CNTNAP2: variants seen among roughly 807,000 people sequenced by gnomAD.
CNTNAP2 encodes the protein contactin-associated protein-like 2.
CNTNAP2 carries 98 observed loss-of-function variants against 155.2 expected under a neutral mutation model. The observed-to-expected ratio is 0.63, with a 90% CI of 0.54 to 0.75. The LOEUF is 0.75. Ranked by LOEUF, CNTNAP2 falls within the 30% of genes least tolerant of loss-of-function variation. The pLI, the probability that CNTNAP2 is intolerant of heterozygous loss-of-function variation, is 0.00. For synonymous variants in CNTNAP2, 651 were observed against 631.2 expected, an observed-to-expected ratio of 1.03 and a Z score of -0.47; for missense variants, 1,727 against 1,688.1, an observed-to-expected ratio of 1.02 and a Z score of -0.40.
At chr7:146,468,795 G>A (rs1330509929) in intron 1 of CNTNAP2, among the ~76,000 whole-genome samples, 2 of 152,098 alleles carry the variant, frequency 1.3e-5, no homozygotes, top group Non-Finnish European at 2.9e-5. Context: ...GAATCTGGAA[G>A]GAGTTTAAAA....
At chr7:147,057,385 T>G (rs540316915) in intron 4 of CNTNAP2, among the ~76,000 whole-genome samples, 1 of 152,188 alleles carries the variant, frequency 6.6e-6, no homozygotes, top group African/African-American at 2.4e-5. Context: ...AATCTAGTTT[T>G]TCTTCTTCTT....
intron 1 of CNTNAP2, among the ~76,000 whole-genome samples, chr7:146,715,645 C>T (rs996764264): frequency 6.6e-6 from 1 of 152,076 alleles, no homozygotes; most frequent in Non-Finnish European, 1.5e-5. Flanking sequence ...TGATGGGGAG[C>T]AAAATATTGC....
At chr7:148,289,234 A>C (rs1461447943) in intron 21 of CNTNAP2, among the ~76,000 whole-genome samples, 1 of 152,192 alleles carries the variant, frequency 6.6e-6, no homozygotes, top group East Asian at 1.9e-4. Context: ...GGAAAGGAGA[A>C]GGTGAATCTT....
At chr7:148,155,057 C>T (rs530632832) in intron 17 of CNTNAP2, among the ~76,000 whole-genome samples, 16 of 152,308 alleles carry the variant, frequency 1.1e-4, no homozygotes, top group Admixed American at 5.2e-4. Context: ...TGAGACACCC[C>T]GGTGAACCCC....
chr7:146,170,241 G>T (rs1584784902), intron 1 of CNTNAP2, among the ~76,000 whole-genome samples: 2 of 152,034 alleles, frequency 1.3e-5, no homozygotes, highest in Admixed American at 6.6e-5. Flanking sequence ...GGCCAGGCTG[G>T]TCTCAAACTC....
chr7:146,873,401 C>T (rs1205913655), intron 3 of CNTNAP2, among the ~76,000 whole-genome samples: 1 of 152,082 alleles, frequency 6.6e-6, no homozygotes, highest in Non-Finnish European at 1.5e-5. Context: ...TGGTCTGGCT[C>T]TTATTTTTTC....
chr7:147,648,518 A>C (rs955100597), intron 13 of CNTNAP2, among the ~76,000 whole-genome samples: 8 of 152,220 alleles, frequency 5.3e-5, no homozygotes, highest in African/African-American at 1.9e-4. Context: ...TTTACAAAAG[A>C]AAGAGTTTTA....
chr7:147,927,653 G>T (rs1240870776), intron 14 of CNTNAP2, among the ~76,000 whole-genome samples: 1 of 152,134 alleles, frequency 6.6e-6, no homozygotes, highest in Non-Finnish European at 1.5e-5. Flanking sequence ...AGAATTTCAT[G>T]CCATAAGATT....
chr7:146,341,909 G>A (rs1353055866), intron 1 of CNTNAP2, among the ~76,000 whole-genome samples: 1 of 152,090 alleles, frequency 6.6e-6, no homozygotes, highest in Non-Finnish European at 1.5e-5. Flanking sequence ...CCTACAAATA[G>A]TTTAAAATTT....
At chr7:147,839,362 G>A (rs1210473846) in intron 13 of CNTNAP2, among the ~76,000 whole-genome samples, 1 of 152,074 alleles carries the variant, frequency 6.6e-6, no homozygotes, top group African/African-American at 2.4e-5. Context: ...TCCAAAGATT[G>A]TATTTTAAAA....
At position 147,099,619 on chromosome 7, in the gene CNTNAP2, A is replaced by G. The variant is rs532393492; in HGVS notation, c.551-8528A>G. The stretch of plus-strand genomic sequence containing the variant: ...AACTAAACTGCTATCTTTATATAGT[A>G]TCAAAATTTGGACAGAACACTGACA... On this transcript the variant is annotated intron_variant, in intron 4 of 23. Transcript: ENST00000361727. 4.6e-5 allele frequency among the ~76,000 whole-genome samples: 7 copies of G among 152,322 alleles called. No individual in the cohort carries two copies. The East Asian group carries it at 5.8e-4, about 13-fold the overall frequency.
intron 10 of CNTNAP2, among the ~76,000 whole-genome samples, chr7:147,453,646 G>A (rs903300873): frequency 3.3e-5 from 5 of 152,116 alleles, no homozygotes; most frequent in Non-Finnish European, 5.9e-5. Context: ...TCGTGTAAGT[G>A]AGCCTGAAAA....
chr7:146,455,497 A>C (rs1796542557), intron 1 of CNTNAP2, among the ~76,000 whole-genome samples: 1 of 152,180 alleles, frequency 6.6e-6, no homozygotes, highest in Admixed American at 6.5e-5. Flanking sequence ...CTTTTCAGGC[A>C]AGAAGAAATG....
intron 3 of CNTNAP2, among the ~76,000 whole-genome samples, chr7:146,944,738 C>T (rs1050330228): frequency 9.2e-5 from 14 of 151,756 alleles, no homozygotes; most frequent in South Asian, 2.1e-4. Flanking sequence ...AATTGCTGGA[C>T]GTGGTGGAGG....
At chr7:146,794,592 T>G (rs1802734922) in intron 2 of CNTNAP2, among the ~76,000 whole-genome samples, 1 of 152,094 alleles carries the variant, frequency 6.6e-6, no homozygotes, top group African/African-American at 2.4e-5. Context: ...TTTGCAGAGG[T>G]AGAAACTGAA....
intron 15 of CNTNAP2, among the ~76,000 whole-genome samples, chr7:148,062,747 A>C (rs920735459): frequency 1.3e-5 from 2 of 152,174 alleles, no homozygotes; most frequent in Non-Finnish European, 2.9e-5. Context: ...GTAAAAAATG[A>C]GTTAAGGCTA....
At chr7:148,068,514 G>T (rs189986009) in intron 15 of CNTNAP2, among the ~76,000 whole-genome samples, 1 of 152,328 alleles carries the variant, frequency 6.6e-6, no homozygotes, top group Admixed American at 6.5e-5. Context: ...GGCACTCACA[G>T]TGTGAATTTC....
At chr7:147,731,381 T>C (rs992762430) in intron 13 of CNTNAP2, among the ~76,000 whole-genome samples, 3 of 152,114 alleles carry the variant, frequency 2.0e-5, no homozygotes, top group Non-Finnish European at 4.4e-5. Flanking sequence ...AGAGTTCTAC[T>C]ATCTCTACTC....
intron 18 of CNTNAP2, among the ~76,000 whole-genome samples, chr7:148,199,735 G>T (rs922414608): frequency 6.6e-6 from 1 of 152,174 alleles, no homozygotes; most frequent in Admixed American, 6.5e-5. Flanking sequence ...TGTTAGTCAA[G>T]GTTCTCCAAA....
Sources: allele counts gnomAD v4.1 joint callset (sites outside exome capture counted in the v4.1 genomes callset), GRCh38; gene constraint gnomAD v4.1.1; transcripts MANE v1.5; gene names NCBI Gene and HGNC (gene_info 2026-07-23, HGNC 2026-07-21).